Variants in VPS13C observed in about 807,000 individuals in gnomAD.
The protein encoded by VPS13C is intermembrane lipid transfer protein VPS13C.
VPS13C carries 358 observed loss-of-function variants against 456.8 expected under a neutral mutation model. That is an observed-to-expected ratio of 0.78 (90% CI 0.72 to 0.86). VPS13C has a LOEUF of 0.86. VPS13C is among the 40% of genes least tolerant of loss of function. VPS13C has a pLI of 0.00. For missense variants in VPS13C, 4,818 were observed against 4,385.4 expected, an observed-to-expected ratio of 1.10 and a Z score of -2.79; for synonymous variants, 1,578 against 1,486.7, an observed-to-expected ratio of 1.06 and a Z score of -1.41.
At chr15:61,940,106 G>T (rs12594396) in intron 47 of VPS13C, among the ~76,000 whole-genome samples, 10,138 of 151,760 alleles carry the variant, frequency 0.067, 557 homozygotes, top group East Asian at 0.2. Context: ...TAAAAATAAT[G>T]GTGTATTTAT....
intron 45 of VPS13C, 77 bp from the exon 46 acceptor site, chr15:61,942,144 T>TA (rs1375435953): frequency 9.4e-6 from 12 of 1,277,628 alleles, no homozygotes; most frequent in Non-Finnish European, 1.2e-5. Flanking sequence ...GCATTTACTT[T>TA]AAAAACTAAA....
At chr15:62,016,027 CTT>C (rs1337899373) in intron 9 of VPS13C, among the ~76,000 whole-genome samples, 4 of 139,898 alleles carry the variant, frequency 2.9e-5, no homozygotes, top group Non-Finnish European at 4.7e-5. Context: ...TCAGCTCTCT[CTT>C]TTTCTTTATT....
intron 30 of VPS13C, among the ~76,000 whole-genome samples, chr15:61,965,542 A>C (rs2045351237): frequency 6.6e-6 from 1 of 151,946 alleles, no homozygotes; most frequent in Non-Finnish European, 1.5e-5. Context: ...ATTTTCTCAT[A>C]ACACTAAATG....
At chr15:61,956,021 C>T (rs376153982) in intron 37 of VPS13C, among the ~76,000 whole-genome samples, 3 of 152,078 alleles carry the variant, frequency 2.0e-5, no homozygotes, top group Non-Finnish European at 4.4e-5. Context: ...CGACCACATG[C>T]CCTCACCTAT....
chr15:61,940,729 A>G lies in VPS13C; in HGVS notation c.5519T>C (p.Leu1840Ser), dbSNP rs750985484. The change falls in exon 47 of 85, where the codon TTG (leucine) becomes TCG (serine). Residue 1840 changes from leucine to serine, a missense_variant. Leu to Ser is a moderately radical substitution (Grantham distance 145). Transcript: ENST00000644861. ...TGCTGCTAAGTTTCGCTGTATGGAC[A>G]AAAGCATGTTGACTGGTTTTAAAAT... Reference protein sequence around the residue: ...IEILKPVNMLLSIQRNLAAAW... With the variant: ...IEILKPVNMLSSIQRNLAAAW... 2 of 1,613,836 alleles carry G rather than the reference A, an allele frequency of 1.2e-6. No individual in the cohort carries two copies. Among genetic ancestry groups the G allele is most frequent in the Non-Finnish European group, 1.7e-6 (2 of 1,179,848 alleles).
chr15:61,964,165 G>A lies in VPS13C; in HGVS notation c.3215-214C>T, dbSNP rs1404032040. On this transcript the variant is annotated intron_variant, in intron 31 of 84. Transcript: ENST00000644861. ...TATTACTTTTATAATTTAAAAGCAAGAGAAAAAACTACAATAAATAAATAA... is the reference window on the plus strand; with the variant it reads ...TATTACTTTTATAATTTAAAAGCAAAAGAAAAAACTACAATAAATAAATAA... Among the ~76,000 whole-genome samples the A allele has an allele frequency of 6.6e-5, 10 of 151,992 alleles. No homozygotes were observed. The East Asian group carries it at 1.9e-3, about 29-fold the overall frequency.
intron 18 of VPS13C, among the ~76,000 whole-genome samples, chr15:61,989,491 T>G (rs2046159864): frequency 6.6e-6 from 1 of 152,036 alleles, no homozygotes. Flanking sequence ...CCCACGTTTT[T>G]GGGGAAGATA....
At chr15:62,055,984 C>CCCT (rs1316169297) in intron 1 of VPS13C, among the ~76,000 whole-genome samples, 1 of 152,168 alleles carries the variant, frequency 6.6e-6, no homozygotes, top group Non-Finnish European at 1.5e-5. Context: ...CACACCTCTT[C>CCCT]CCTCAGTGTG....
chr15:61,927,193 C>A lies in VPS13C; in HGVS notation c.6414G>T (p.Leu2138=). The change falls in exon 52 of 85, where the codon CTG becomes CTT. Residue 2138 remains leucine (L), a synonymous_variant. Coordinates refer to ENST00000644861, the MANE Select transcript of VPS13C (RefSeq NM_020821.3). ...LTASFQCNLS[L]STSKLEQMME... ...TCATCTGTTCGAGTTTGGATGTTGA[C>A]AGAGAAAGGTTGCACTGAAACGAGG... 1.9e-6 allele frequency: 3 copies of A among 1,614,104 alleles called. No individual in the cohort carries two copies.
intron 13 of VPS13C, among the ~76,000 whole-genome samples, chr15:62,009,895 T>C (rs986401188): frequency 6.6e-6 from 1 of 152,092 alleles, no homozygotes; most frequent in African/African-American, 2.4e-5. Context: ...CATTAAAATC[T>C]TCCATCAACA....
chr15:62,016,091 CACA>C (rs1235542340), intron 9 of VPS13C, among the ~76,000 whole-genome samples: 1 of 151,144 alleles, frequency 6.6e-6, no homozygotes, highest in Non-Finnish European at 1.5e-5. Context: ...TCTATATGCC[CACA>C]ACATTGTGAA....
At chr15:62,058,488 T>TA (rs1028284746) in intron 1 of VPS13C, among the ~76,000 whole-genome samples, 17 of 151,982 alleles carry the variant, frequency 1.1e-4, no homozygotes, top group Admixed American at 6.6e-4. Context: ...AATTCAGCAA[T>TA]AAAAAAATGC....
rs1178057626 is a variant in VPS13C at position 61,940,779 on chromosome 15, A to G, written c.5469T>C (p.Ala1823=). The G allele has an allele frequency of 6.2e-7, 1 of 1,610,460 alleles. No homozygotes were observed. The highest frequency in any genetic ancestry group is 8.5e-7 in the Non-Finnish European group (1 of 1,178,846). The change falls in exon 47 of 85, where the codon GCT becomes GCC. Residue 1823 remains alanine (A), a synonymous_variant. Coordinates refer to ENST00000644861, the MANE Select transcript of VPS13C (RefSeq NM_020821.3). ...TTTCAATGTCATTTTGTGGCAAGCTAGCCTGCAAAATAGTTCTGAAAGAAA... is the reference window on the plus strand; with the variant it reads ...TTTCAATGTCATTTTGTGGCAAGCTGGCCTGCAAAATAGTTCTGAAAGAAA... The part of the protein sequence containing the change: ...QLKLSRTILQ[A]SLPQNDIEIL...
intron 18 of VPS13C, among the ~76,000 whole-genome samples, chr15:61,988,575 T>C (rs994012396): frequency 1.3e-5 from 2 of 152,206 alleles, no homozygotes; most frequent in African/African-American, 2.4e-5. Context: ...CAAGTTTTTA[T>C]AGAAACTGAA....
At chr15:61,889,516 C>T (rs1254915130) in intron 67 of VPS13C, among the ~76,000 whole-genome samples, 1 of 152,076 alleles carries the variant, frequency 6.6e-6, no homozygotes, top group East Asian at 1.9e-4. Context: ...TTCCACCCAT[C>T]AGCCTCTAAA....
chr15:61,880,320 T>C (rs533775904), intron 73 of VPS13C, among the ~76,000 whole-genome samples: 2 of 152,252 alleles, frequency 1.3e-5, no homozygotes, highest in South Asian at 4.1e-4. Context: ...AACCAAAACA[T>C]TAAACGTTGG....
chr15:62,006,260 G>A (rs1350305715), intron 15 of VPS13C, among the ~76,000 whole-genome samples: 8 of 151,048 alleles, frequency 5.3e-5, no homozygotes, highest in South Asian at 2.1e-4. Flanking sequence ...CCCTCTCCCC[G>A]CACCCCACAA....
In VPS13C at chr15:61,874,952, C is replaced by A; in HGVS notation, c.10339-1G>T. The A allele has an allele frequency of 6.5e-7, 1 of 1,540,902 alleles. No individual in the cohort carries two copies. The highest frequency in any genetic ancestry group is 8.7e-7 in the Non-Finnish European group (1 of 1,153,280). On this transcript the variant is annotated splice_acceptor_variant, in intron 76 of 84. Coordinates refer to ENST00000644861, the MANE Select transcript of VPS13C (RefSeq NM_020821.3). LOFTEE classifies it high-confidence loss of function. ...ATTCTTCAGGGCCTTGAACAGCACC[C>A]TGGCAAAAAAAAATAAAAAATAATC...
chr15:62,037,229 TA>T (rs2048036523), intron 3 of VPS13C, among the ~76,000 whole-genome samples: 1 of 62,044 alleles, frequency 1.6e-5, no homozygotes, highest in African/African-American at 6.8e-5. Context: ...TATAATATAT[TA>T]TATATAAATA....
Sources: allele counts gnomAD v4.1 joint callset (sites outside exome capture counted in the v4.1 genomes callset), GRCh38; gene constraint gnomAD v4.1.1; transcripts MANE v1.5; gene names NCBI Gene and HGNC (gene_info 2026-07-23, HGNC 2026-07-21).